EEPD1: variants seen among roughly 807,000 people sequenced by gnomAD.
EEPD1 encodes endonuclease/exonuclease/phosphatase family domain-containing protein 1.
Under a neutral mutation model 46.3 loss-of-function variants are expected in EEPD1, and 17 were observed. That is an observed-to-expected ratio of 0.37 (90% CI 0.25 to 0.55). EEPD1 has a LOEUF of 0.55. Ranked by LOEUF, EEPD1 falls within the 20% of genes least tolerant of loss-of-function variation. EEPD1 has a pLI of 0.83. For missense variants in EEPD1, 673 were observed against 745.6 expected (o/e 0.90, Z 1.13); for synonymous variants, 313 against 315.6 (o/e 0.99, Z 0.09).
chr7:36,298,709 G>A (rs781148615), intron 7 of EEPD1, among the ~76,000 whole-genome samples: 17 of 152,188 alleles, frequency 1.1e-4, no homozygotes, highest in Non-Finnish European at 1.9e-4. Flanking sequence ...TCACAGCAGC[G>A]CGTTTATGAG....
chr7:36,276,820 G>A (rs1787188630), intron 3 of EEPD1, among the ~76,000 whole-genome samples: 1 of 152,178 alleles, frequency 6.6e-6, no homozygotes, highest in African/African-American at 2.4e-5. Context: ...TTAAAAACAA[G>A]AACCAGATGG....
chr7:36,189,604 C>T (rs1785426069), intron 2 of EEPD1, among the ~76,000 whole-genome samples: 1 of 152,176 alleles, frequency 6.6e-6, no homozygotes, highest in Admixed American at 6.5e-5. Flanking sequence ...GGGTACAGAG[C>T]TCCACTTGGT....
rs373414903 is a variant in EEPD1, at chr7:36,154,879, C to A, written c.555C>A (p.Ala185=). The A allele has an allele frequency of 1.2e-6, 2 of 1,614,162 alleles. No homozygotes were observed. Among genetic ancestry groups the A allele is most frequent in the Non-Finnish European group, 1.7e-6 (2 of 1,180,038 alleles). Residue 185 remains alanine, a synonymous_variant, in exon 2 of 8, where the codon GCC becomes GCA. Transcript: ENST00000242108. The surrounding 1 kb of genome is among the most constrained non-coding windows in gnomAD (Gnocchi z 4.2). ...TAGTGAGGATGGATGGTATCAATGC[C>A]GCCTTCCTGGACAGGATCCGGCACC... ...EDLVRMDGIN[A]AFLDRIRHQV...
intron 2 of EEPD1, among the ~76,000 whole-genome samples, chr7:36,227,307 G>A (rs1322262326): frequency 1.3e-5 from 2 of 152,138 alleles, no homozygotes; most frequent in African/African-American, 4.8e-5. Context: ...TTTCAAACCC[G>A]CTAAGAACAG....
chr7:36,288,441 G>A (rs1787373223), intron 6 of EEPD1, among the ~76,000 whole-genome samples: 1 of 152,092 alleles, frequency 6.6e-6, no homozygotes, highest in Non-Finnish European at 1.5e-5. Context: ...TCTAAAACAT[G>A]AGAAGAATTA....
chr7:36,177,232 C>T (rs2464162), intron 2 of EEPD1, among the ~76,000 whole-genome samples: 148,994 of 151,978 alleles, frequency 0.98, 73,080 homozygotes, highest in East Asian at 1. Context: ...TGACATCTTA[C>T]TTGAGGTTTT....
chr7:36,252,577 T>C (rs557173946), intron 3 of EEPD1, among the ~76,000 whole-genome samples: 1 of 152,218 alleles, frequency 6.6e-6, no homozygotes, highest in South Asian at 2.1e-4. Context: ...AAGAGTAGCT[T>C]ATATCAGAAT....
chr7:36,262,672 CAT>C (rs1786947487), intron 3 of EEPD1, among the ~76,000 whole-genome samples: 1 of 152,134 alleles, frequency 6.6e-6, no homozygotes, highest in Admixed American at 6.5e-5. Context: ...AAGTTGTACA[CAT>C]GCTCACTTGA....
chr7:36,204,759 C>T (rs184414701), intron 2 of EEPD1, among the ~76,000 whole-genome samples: 1 of 152,220 alleles, frequency 6.6e-6, no homozygotes, highest in Non-Finnish European at 1.5e-5. Context: ...CGGAAGGCCT[C>T]CCGGAGTTTC....
chr7:36,219,806 A>AGAGAGAGAGAGTGTGTGT (rs1341203087), intron 2 of EEPD1, among the ~76,000 whole-genome samples: 8 of 75,400 alleles, frequency 1.1e-4, no homozygotes, highest in Non-Finnish European at 1.3e-4. Context: ...AGAGAGAGAG[A>AGAGAGAGAGAGTGTGTGT]GTGTGTGTGT....
intron 3 of EEPD1, among the ~76,000 whole-genome samples, chr7:36,276,092 G>A (rs953691732): frequency 1.1e-4 from 16 of 152,152 alleles, no homozygotes; most frequent in African/African-American, 3.9e-4. Context: ...CTTGAATAGG[G>A]GCTGGGTAAC....
At chr7:36,222,962 C>A (rs1023222915) in intron 2 of EEPD1, among the ~76,000 whole-genome samples, 2 of 152,070 alleles carry the variant, frequency 1.3e-5, no homozygotes, top group African/African-American at 4.8e-5. Flanking sequence ...ACCAGCCTGG[C>A]CAACATGGCA....
intron 2 of EEPD1, among the ~76,000 whole-genome samples, chr7:36,191,261 C>T (rs1009673722): frequency 1.3e-5 from 2 of 152,178 alleles, no homozygotes; most frequent in African/African-American, 2.4e-5. Context: ...GTAAATAGGA[C>T]AAGTAGATAG....
At chr7:36,282,299 A>G (rs1465109311) in intron 4 of EEPD1, among the ~76,000 whole-genome samples, 1 of 152,262 alleles carries the variant, frequency 6.6e-6, no homozygotes, top group Non-Finnish European at 1.5e-5. Flanking sequence ...TAGTCCATTC[A>G]GCACTGCATT....
At chr7:36,246,794 A>G (rs940308337) in intron 3 of EEPD1, among the ~76,000 whole-genome samples, 2 of 152,162 alleles carry the variant, frequency 1.3e-5, no homozygotes, top group Non-Finnish European at 2.9e-5. Context: ...CATGTGTGAC[A>G]GAGTATGTGC....
At chr7:36,248,850 A>T (rs1374506158) in intron 3 of EEPD1, among the ~76,000 whole-genome samples, 1 of 152,112 alleles carries the variant, frequency 6.6e-6, no homozygotes, top group Non-Finnish European at 1.5e-5. Flanking sequence ...ACTCCGCTGT[A>T]TGGAGTCTAA....
intron 2 of EEPD1, among the ~76,000 whole-genome samples, chr7:36,184,367 C>T (rs1230747616): frequency 1.3e-5 from 2 of 152,202 alleles, no homozygotes; most frequent in African/African-American, 4.8e-5. Flanking sequence ...ATGCCTGCTC[C>T]AGAGTACTGT....
At position 36,163,100 on chromosome 7, in the gene EEPD1, ATT is replaced by A. The variant is rs34506577; in HGVS notation, c.878+7907_878+7908del. Among the ~76,000 whole-genome samples, 11 of 151,262 alleles carry A rather than the reference ATT, an allele frequency of 7.3e-5. No homozygotes were observed. In the East Asian group the frequency reaches 1.4e-3, roughly 19 times the overall value. ...TTTTCTGTTAAGCAAATTCAGTCTA[ATT>A]TTTTTTTTAGCAGTTTATGTTTCTT... is the stretch of plus-strand genomic sequence containing the variant. On this transcript the variant is annotated intron_variant, in intron 2 of 7. Transcript: ENST00000242108.
At chr7:36,186,292 G>A (rs539962596) in intron 2 of EEPD1, among the ~76,000 whole-genome samples, 2 of 152,212 alleles carry the variant, frequency 1.3e-5, no homozygotes, top group South Asian at 4.2e-4. Flanking sequence ...TACCTCTGCA[G>A]TCACTTCCCC....
Sources: allele counts gnomAD v4.1 joint callset (sites outside exome capture counted in the v4.1 genomes callset), GRCh38; gene constraint gnomAD v4.1.1; non-coding constraint Gnocchi (gnomAD v3.1); transcripts MANE v1.5; gene names NCBI Gene and HGNC (gene_info 2026-07-23, HGNC 2026-07-21).